Variants in DMD observed in about 807,000 individuals in gnomAD.
DMD encodes dystrophin.
A neutral mutation model predicts 330.1 loss-of-function variants in DMD; 63 were observed. The ratio of observed to expected loss-of-function variants is 0.19; its 90% CI spans 0.16 to 0.24. The LOEUF is 0.24. Ranked by LOEUF, DMD falls within the 10% of genes least tolerant of loss-of-function variation. DMD has a pLI of 1.00. For synonymous variants in DMD, 1,223 were observed against 959.8 expected (o/e 1.27, Z -5.07); for missense variants, 3,344 against 2,684.1 (o/e 1.25, Z -5.43).
At position 32,927,140 on chromosome X, in the gene DMD, T is replaced by TA. The variant is rs749826825; in HGVS notation, c.94-77321dup. ...ATCTCTACTTCGTCTACTGGGAAGG[T>TA]ATGCCTGTGGCAGAAAAGTTTCCAT... On this transcript the variant is annotated intron_variant, in intron 2 of 78. Transcript: ENST00000357033. Among the ~76,000 whole-genome samples the TA allele has an allele frequency of 4.2e-3, 469 of 111,391 alleles. 2 individuals are homozygous for TA. The highest frequency in any genetic ancestry group is 0.015 in the African/African-American group (452 of 30,711).
chrX:31,476,831 C>G (rs748444290), intron 59 of DMD, among the ~76,000 whole-genome samples: 1 of 111,005 alleles, frequency 9.0e-6, no homozygotes, highest in African/African-American at 3.3e-5. Context: ...GTAAAAGATG[C>G]TGGGGATTAA....
intron 18 of DMD, among the ~76,000 whole-genome samples, chrX:32,508,912 G>A (rs1037869410): frequency 9.1e-6 from 1 of 110,108 alleles, no homozygotes; most frequent in Non-Finnish European, 1.9e-5. Flanking sequence ...CCGGGTTCAC[G>A]CCATTCTCCT....
intron 55 of DMD, among the ~76,000 whole-genome samples, chrX:31,522,267 C>T (rs1180134138): frequency 1.9e-5 from 2 of 102,691 alleles, no homozygotes; most frequent in African/African-American, 3.7e-5. Context: ...TAAGTAACTC[C>T]GGAGGGAAGA....
chrX:31,864,298 C>A (rs1029485654), intron 48 of DMD, among the ~76,000 whole-genome samples: 2 of 110,368 alleles, frequency 1.8e-5, no homozygotes, highest in South Asian at 3.9e-4. Context: ...TCATGTCCAA[C>A]AAATTGTTAG....
At chrX:32,139,165 A>G (rs1463013386) in intron 44 of DMD, among the ~76,000 whole-genome samples, 1 of 112,569 alleles carries the variant, frequency 8.9e-6, no homozygotes, top group African/African-American at 3.2e-5. Context: ...AGCTGGATAT[A>G]GAAGACTCAT....
intron 67 of DMD, among the ~76,000 whole-genome samples, chrX:31,201,201 A>ACACG (rs2043429902): frequency 2.3e-5 from 2 of 88,765 alleles, no homozygotes; most frequent in African/African-American, 7.5e-5. Flanking sequence ...ACACACACGC[A>ACACG]CACACACACA....
intron 7 of DMD, among the ~76,000 whole-genome samples, chrX:32,734,420 C>A (rs954586866): frequency 1.9e-5 from 2 of 104,746 alleles, no homozygotes; most frequent in Admixed American, 1.0e-4. Context: ...TTTATGAGGC[C>A]AGCATCATCC....
At chrX:31,806,935 T>C (rs954717851) in intron 50 of DMD, among the ~76,000 whole-genome samples, 7 of 112,241 alleles carry the variant, frequency 6.2e-5, no homozygotes, top group Non-Finnish European at 1.1e-4. Context: ...CAACCCTTTT[T>C]TCAAGTGAGC....
At chrX:32,583,307 C>T (rs985719103) in intron 13 of DMD, among the ~76,000 whole-genome samples, 1 of 111,305 alleles carries the variant, frequency 9.0e-6, no homozygotes, top group South Asian at 3.8e-4. Flanking sequence ...ACCAACCTGA[C>T]CAACATGGTG....
At chrX:31,893,567 A>G (rs1041341091) in intron 47 of DMD, among the ~76,000 whole-genome samples, 1 of 110,593 alleles carries the variant, frequency 9.0e-6, no homozygotes, top group African/African-American at 3.3e-5. Context: ...TGTCACACAA[A>G]AAAAGGGGAA....
rs976438327 is a variant in DMD, at chrX:31,948,350, G to C, written c.6615-16123C>G. Among the ~76,000 whole-genome samples the C allele has an allele frequency of 2.7e-5, 3 of 111,823 alleles. No individual in the cohort carries two copies. In the South Asian group the frequency reaches 1.1e-3, roughly 42 times the overall value. ...AAGATGAGAGTGCAGATATCTTTTT[G>C]AGATTCTGGTTTTAATTCTTTGGGA... On this transcript the variant is annotated intron_variant, in intron 45 of 78. Transcript: ENST00000357033.
chrX:31,233,882 CTT>C (rs1221358552), intron 63 of DMD, among the ~76,000 whole-genome samples: 1 of 111,854 alleles, frequency 8.9e-6, no homozygotes, highest in African/African-American at 3.2e-5. Flanking sequence ...TCTGCAGACT[CTT>C]TTTTTGTGTG....
chrX:32,541,271 C>T (rs1049073952), intron 17 of DMD, among the ~76,000 whole-genome samples: 1 of 110,816 alleles, frequency 9.0e-6, no homozygotes, highest in Non-Finnish European at 1.9e-5. Flanking sequence ...ACTACCTCCA[C>T]CACCATCATC....
At chrX:31,462,117 C>T (rs2066565329) in intron 59 of DMD, among the ~76,000 whole-genome samples, 1 of 111,989 alleles carries the variant, frequency 8.9e-6, no homozygotes. Context: ...CACCAGGATT[C>T]ATCCCACCTC....
intron 50 of DMD, among the ~76,000 whole-genome samples, chrX:31,793,169 G>A (rs2091658049): frequency 9.0e-6 from 1 of 111,073 alleles, no homozygotes; most frequent in African/African-American, 3.3e-5. Flanking sequence ...CTGTCTACCA[G>A]CTGAGTCTGG....
intron 1 of DMD, among the ~76,000 whole-genome samples, chrX:33,307,868 A>G (rs935127061): frequency 9.0e-6 from 1 of 110,746 alleles, no homozygotes; most frequent in African/African-American, 3.3e-5. Flanking sequence ...CCCAAATCCT[A>G]CCTCCTTCAA....
intron 44 of DMD, among the ~76,000 whole-genome samples, chrX:32,040,179 T>A (rs1236564562): frequency 8.9e-6 from 1 of 112,234 alleles, no homozygotes; most frequent in Non-Finnish European, 1.9e-5. Flanking sequence ...TGGTAACAAC[T>A]GACCTAGATA....
intron 1 of DMD, among the ~76,000 whole-genome samples, chrX:33,210,470 A>C (rs2051836314): frequency 9.0e-6 from 1 of 111,096 alleles, no homozygotes; most frequent in South Asian, 3.7e-4. Context: ...TTTCTTAAAA[A>C]TAAACGAAAT....
At chrX:32,966,240 T>G (rs1238961051) in intron 2 of DMD, among the ~76,000 whole-genome samples, 1 of 112,105 alleles carries the variant, frequency 8.9e-6, no homozygotes, top group East Asian at 2.8e-4. Context: ...ATATTAGCTT[T>G]CATGCCCATC....
Sources: gnomAD v4.1 joint callset for allele counts (sites outside exome capture counted in the v4.1 genomes callset) on GRCh38, gnomAD v4.1.1 for gene constraint, MANE v1.5 for transcripts, NCBI Gene and HGNC (gene_info 2026-07-23, HGNC 2026-07-21) for gene names.